The following NUP214 variants were observed in gnomAD, a reference collection of about 807,000 sequenced individuals.
The protein encoded by NUP214 is nuclear pore complex protein Nup214.
NUP214 carries 79 observed loss-of-function variants against 196.2 expected under a neutral mutation model. The ratio of observed to expected loss-of-function variants is 0.40; its 90% CI spans 0.34 to 0.49. The LOEUF is 0.49. Ranked by LOEUF, NUP214 falls within the 20% of genes least tolerant of loss-of-function variation. NUP214 has a pLI of 0.58. For missense variants in NUP214, 2,468 were observed against 2,539.0 expected (o/e 0.97, Z 0.60); for synonymous variants, 1,020 against 990.5 (o/e 1.03, Z -0.56).
chr9:131,229,783 T>C (rs779778557), intron 33 of NUP214: 1 of 518,370 alleles, frequency 1.9e-6, no homozygotes, highest in Non-Finnish European at 3.9e-6. Context: ...GCAGATCCCT[T>C]GGCCACCTTT....
At chr9:131,172,829 G>C (rs1476394389) in intron 21 of NUP214, among the ~76,000 whole-genome samples, 1 of 151,980 alleles carries the variant, frequency 6.6e-6, no homozygotes, top group Non-Finnish European at 1.5e-5. Context: ...TGTGCACATG[G>C]GACACAAAAG....
At position 131,125,725 on chromosome 9, in the gene NUP214, C is replaced by T. The variant is rs1477509286; in HGVS notation, c.21C>T (p.Ala7=). 6.4e-7 allele frequency: 1 copy of T among 1,552,656 alleles called. No homozygotes were observed. The change falls in exon 1 of 36, where the codon GCC becomes GCT. Residue 7 remains alanine, a synonymous_variant. Coordinates refer to ENST00000359428, the MANE Select transcript of NUP214 (RefSeq NM_005085.4). The surrounding 1 kb of genome is among the most constrained non-coding windows in gnomAD (Gnocchi z 4.1). Reference sequence around the variant, plus strand: ...GCGCGATGGGAGACGAGATGGATGCCATGATTCCCGAGCGGGAGATGAAGG... The same window carrying T: ...GCGCGATGGGAGACGAGATGGATGCTATGATTCCCGAGCGGGAGATGAAGG... MGDEMD[A]MIPEREMKDF... is the part of the protein sequence containing the mutation.
chr9:131,139,150 G>A, intron 9 of NUP214, 131 bp from the exon 10 acceptor site: 1 of 1,089,670 alleles, frequency 9.2e-7, no homozygotes, highest in Non-Finnish European at 1.2e-6. Flanking sequence ...CAACACCTGA[G>A]TCTAAACCAA....
At chr9:131,188,968 T>A in intron 25 of NUP214, 85 bp from the exon 26 acceptor site, 1 of 944,376 alleles carries the variant, frequency 1.1e-6, no homozygotes, top group Non-Finnish European at 1.7e-6. Context: ...TAAATTATAT[T>A]TTTGTGTTTA....
At chr9:131,213,700 C>T (rs1315653612) in intron 30 of NUP214, among the ~76,000 whole-genome samples, 3 of 151,748 alleles carry the variant, frequency 2.0e-5, no homozygotes, top group African/African-American at 7.3e-5. Context: ...AATTGGATTC[C>T]TAGTTTTTAA....
intron 18 of NUP214, among the ~76,000 whole-genome samples, chr9:131,162,249 G>T (rs370137570): frequency 6.6e-6 from 1 of 152,174 alleles, no homozygotes; most frequent in Non-Finnish European, 1.5e-5. Flanking sequence ...CCAAAATGTC[G>T]TTATGTGGCA....
intron 17 of NUP214, chr9:131,159,177 G>A (rs1035966065): frequency 1.8e-6 from 1 of 562,706 alleles, no homozygotes; most frequent in Non-Finnish European, 3.1e-6. Context: ...GCCTCCCAGG[G>A]TGTTGGGATT....
Position 131,139,491 on chromosome 9 carries a change from C to CA in NUP214, c.1132+85dup, listed in dbSNP as rs1831844997. The stretch of plus-strand genomic sequence containing the variant: ...TGAAACACCAGTTACATGTTACTGA[C>CA]AGAGTCTACTCTGCTGGGCACTTGT... On this transcript the variant is annotated intron_variant, in intron 10 of 35. Transcript: ENST00000359428. 2.6e-6 allele frequency: 4 copies of CA among 1,558,872 alleles called. No individual in the cohort carries two copies. The East Asian group carries it at 7.0e-5, about 27-fold the overall frequency.
intron 27 of NUP214, among the ~76,000 whole-genome samples, chr9:131,193,629 C>CTTTTTGTTTTTTTTTTTT (rs1833678596): frequency 3.5e-5 from 1 of 28,218 alleles, no homozygotes; most frequent in Non-Finnish European, 6.5e-5. Context: ...TCTTCCTTTT[C>CTTTTTGTTTTTTTTTTTT]TTTTTTTTTT....
chr9:131,174,634 A>T (rs1833062640), intron 22 of NUP214, among the ~76,000 whole-genome samples: 1 of 151,640 alleles, frequency 6.6e-6, no homozygotes, highest in Admixed American at 6.6e-5. Flanking sequence ...TTTTTAGTGG[A>T]GACGGGGTTT....
intron 24 of NUP214, among the ~76,000 whole-genome samples, chr9:131,182,109 G>T (rs1833295859): frequency 6.6e-6 from 1 of 152,108 alleles, no homozygotes; most frequent in South Asian, 2.1e-4. Flanking sequence ...TTTAAAATGG[G>T]TTTCTTGTAG....
At chr9:131,167,737 CTCAT>C (rs1399523658) in intron 21 of NUP214, among the ~76,000 whole-genome samples, 4 of 152,140 alleles carry the variant, frequency 2.6e-5, no homozygotes, top group African/African-American at 9.7e-5. Flanking sequence ...AAATCTTTTG[CTCAT>C]TCATTTATTA....
At chr9:131,210,357 C>T (rs1183112275) in intron 30 of NUP214, among the ~76,000 whole-genome samples, 3 of 152,164 alleles carry the variant, frequency 2.0e-5, no homozygotes, top group Admixed American at 6.5e-5. Context: ...AGGCCGGGCA[C>T]AGTGGCTCAC....
At chr9:131,141,841 C>G (rs1455419175) in intron 11 of NUP214, 1 of 152,094 alleles carries the variant, frequency 6.6e-6, no homozygotes, top group African/African-American at 2.4e-5. Context: ...TAATATTTCT[C>G]TTTTTGAATT....
chr9:131,156,153 G>A (rs1305490365), intron 17 of NUP214, among the ~76,000 whole-genome samples: 8 of 107,382 alleles, frequency 7.5e-5, no homozygotes, highest in Non-Finnish European at 1.2e-4. Context: ...TTTTTTTTGA[G>A]ACGGAGTCTT....
chr9:131,202,306 G>T lies in NUP214; in HGVS notation c.5592+589G>T, dbSNP rs187847960. 2.4e-3 allele frequency among the ~76,000 whole-genome samples: 359 copies of T among 152,232 alleles called. 4 individuals are homozygous for T. Among genetic ancestry groups the T allele is most frequent in the African/African-American group, 8.3e-3 (345 of 41,542 alleles). On this transcript the variant is annotated intron_variant, in intron 30 of 35. Transcript: ENST00000359428. ...GGGCTAAATACACTGTTTGGCTTTTGGGGGGTTTGTTGTTGTTTAACTTCT... is the reference window on the plus strand; with the variant it reads ...GGGCTAAATACACTGTTTGGCTTTTTGGGGGTTTGTTGTTGTTTAACTTCT...
intron 30 of NUP214, among the ~76,000 whole-genome samples, chr9:131,209,398 T>G (rs1436642495): frequency 6.6e-6 from 1 of 152,002 alleles, no homozygotes; most frequent in Non-Finnish European, 1.5e-5. Flanking sequence ...TCAAATTTAT[T>G]TATTTATTTA....
intron 4 of NUP214, 143 bp downstream of exon 4, chr9:131,129,620 T>C (rs1009530527): frequency 7.7e-6 from 6 of 781,906 alleles, no homozygotes; most frequent in Non-Finnish European, 8.3e-6. Context: ...AAGGTATTCT[T>C]TTTTGAGACA....
Position 131,232,242 on chromosome 9 carries a change from A to C in NUP214, c.6215-42A>C. The C allele has an allele frequency of 6.2e-7, 1 of 1,613,244 alleles. No homozygotes were observed. ...GCATGGGGACCACCTTTGTCTTTCG[A>C]GTGGATGCGTGCTTTAACTTCACTC... On this transcript the variant is annotated intron_variant, in intron 34 of 35. Transcript: ENST00000359428. This position sits in a 1 kb window ranked among gnomAD's most constrained non-coding sequence, Gnocchi z 5.1.
Sources: allele counts gnomAD v4.1 joint callset (sites outside exome capture counted in the v4.1 genomes callset), GRCh38; gene constraint gnomAD v4.1.1; non-coding constraint Gnocchi (gnomAD v3.1); transcripts MANE v1.5; gene names NCBI Gene and HGNC (gene_info 2026-07-23, HGNC 2026-07-21).